The following AQR variants were observed in gnomAD, a reference collection of about 807,000 sequenced individuals.
AQR encodes the protein RNA helicase aquarius.
In AQR, 61 loss-of-function variants were observed where a neutral mutation model predicts 180.5. That is an observed-to-expected ratio of 0.34 (90% CI 0.28 to 0.42). The LOEUF is 0.42. Among genes scored for constraint, AQR ranks in the 10% least tolerant of loss-of-function variants. AQR has a pLI of 1.00. For synonymous variants in AQR, 551 were observed against 588.8 expected (o/e 0.94, Z 0.93); for missense variants, 1,281 against 1,798.3 (o/e 0.71, Z 5.20).
intron 1 of AQR, among the ~76,000 whole-genome samples, chr15:34,964,759 T>TA (rs34620759): frequency 0.67 from 98,650 of 146,214 alleles, 34,241 homozygotes; most frequent in Non-Finnish European, 0.78. Context: ...TAACAAAACC[T>TA]AAAAAAAAAA....
intron 3 of AQR, among the ~76,000 whole-genome samples, chr15:34,960,457 A>C (rs993273481): frequency 2.6e-5 from 4 of 152,134 alleles, no homozygotes; most frequent in African/African-American, 9.7e-5. Context: ...TCTTACTTTC[A>C]TAACTTTTTA....
intron 34 of AQR, among the ~76,000 whole-genome samples, chr15:34,858,069 C>T (rs140014175): frequency 1.6e-3 from 246 of 152,168 alleles, no homozygotes; most frequent in African/African-American, 5.6e-3. Context: ...CTGCAACCTC[C>T]GTCTCCCAGG....
At chr15:34,944,201 A>T (rs907468578) in intron 6 of AQR, 87 bp downstream of exon 6, 8 of 1,260,732 alleles carry the variant, frequency 6.3e-6, no homozygotes, top group Non-Finnish European at 8.6e-6. Flanking sequence ...GGATGAATGG[A>T]GTTGGCTACA....
chr15:34,860,183 T>C, intron 33 of AQR, 28 bp from the exon 34 acceptor site: 1 of 1,294,790 alleles, frequency 7.7e-7, no homozygotes, highest in South Asian at 1.6e-5. Flanking sequence ...GAACGTTAAG[T>C]ATCTAGTAAA....
chr15:34,871,060 G>T, intron 30 of AQR, 138 bp from the exon 31 acceptor site: 1 of 708,318 alleles, frequency 1.4e-6, no homozygotes, highest in Non-Finnish European at 2.3e-6. Context: ...TTGGATAAGT[G>T]AGTACCTTTC....
chr15:34,890,391 T>A, intron 23 of AQR, 67 bp from the exon 24 acceptor site: 1 of 1,338,820 alleles, frequency 7.5e-7, no homozygotes, highest in East Asian at 2.3e-5. Context: ...TTAGAAAGAA[T>A]CAAAGTTGAA....
intron 10 of AQR, among the ~76,000 whole-genome samples, chr15:34,932,763 TG>T (rs775555200): frequency 9.9e-5 from 15 of 152,146 alleles, no homozygotes; most frequent in Non-Finnish European, 4.4e-5. Flanking sequence ...AAGATTAGCC[TG>T]GGCAACAGGG....
intron 1 of AQR, among the ~76,000 whole-genome samples, chr15:34,969,075 A>G (rs954171551): frequency 1.3e-5 from 2 of 152,142 alleles, no homozygotes; most frequent in East Asian, 1.9e-4. Context: ...AGATAGGTCT[A>G]TTTGGAGGTG....
intron 2 of AQR, among the ~76,000 whole-genome samples, chr15:34,963,980 A>C (rs1377304372): frequency 6.6e-6 from 1 of 152,152 alleles, no homozygotes; most frequent in Non-Finnish European, 1.5e-5. Context: ...ATTTTTGTTA[A>C]GGCTTAAAGA....
In AQR at chr15:34,948,345, A is replaced by G; in HGVS notation, c.249T>C (p.Pro83=). 1 of 1,613,336 alleles carries G rather than the reference A, an allele frequency of 6.2e-7. No individual in the cohort carries two copies. Among genetic ancestry groups the G allele is most frequent in the Non-Finnish European group, 8.5e-7 (1 of 1,179,926 alleles). Residue 83 remains proline, a synonymous_variant, in exon 5 of 35, where the codon CCT becomes CCC. Transcript: ENST00000156471. ...LENYLWMNYS[P]EVSSKAYLMS... is the part of the protein sequence containing the mutation. ...TTAAATAGGCCTTGCTAGATACCTC[A>G]GGAGAATAATTCATCCAGAGATAAT...
intron 5 of AQR, among the ~76,000 whole-genome samples, chr15:34,945,031 ACT>A (rs940420849): frequency 6.6e-6 from 1 of 151,816 alleles, no homozygotes; most frequent in African/African-American, 2.4e-5. Flanking sequence ...ACCCTTATTA[ACT>A]CTCAACTCCT....
intron 23 of AQR, among the ~76,000 whole-genome samples, chr15:34,892,290 T>A (rs567168295): frequency 2.2e-4 from 33 of 152,326 alleles, no homozygotes; most frequent in African/African-American, 7.7e-4. Flanking sequence ...GGTGTACATT[T>A]CACATGGATT....
intron 31 of AQR, chr15:34,869,590 T>C (rs1272508928): frequency 2.6e-5 from 4 of 152,186 alleles, no homozygotes; most frequent in African/African-American, 4.8e-5. Context: ...TCCTTATTAT[T>C]TGAGTAAGAT....
chr15:34,866,334 G>C (rs984082896), intron 32 of AQR, among the ~76,000 whole-genome samples: 1 of 151,976 alleles, frequency 6.6e-6, no homozygotes, highest in Non-Finnish European at 1.5e-5. Flanking sequence ...GAGTTTCAAA[G>C]GAAAATTTTG....
At chr15:34,908,972 T>C (rs1369382286) in intron 17 of AQR, among the ~76,000 whole-genome samples, 4 of 151,970 alleles carry the variant, frequency 2.6e-5, no homozygotes, top group African/African-American at 9.7e-5. Context: ...ATAATAAAGG[T>C]GCACATTAGT....
At chr15:34,941,157 G>A (rs577827654) in intron 7 of AQR, among the ~76,000 whole-genome samples, 158 bp from the exon 8 acceptor site, 2 of 152,154 alleles carry the variant, frequency 1.3e-5, no homozygotes, top group Admixed American at 1.3e-4. Context: ...ATTAAGAAAT[G>A]AATAACGATA....
At chr15:34,914,928 G>T in intron 16 of AQR, 110 bp downstream of exon 16, 4 of 1,135,522 alleles carry the variant, frequency 3.5e-6, no homozygotes, top group Non-Finnish European at 4.8e-6. Context: ...TATTTTAGAG[G>T]GCACTTTTGT....
chr15:34,856,929 C>T lies in AQR; in HGVS notation c.4321G>A (p.Glu1441Lys), dbSNP rs200002408. The T allele has an allele frequency of 1.5e-4, 236 of 1,614,048 alleles. 1 individual carries two copies. The South Asian group carries it at 2.4e-3, about 16-fold the overall frequency. ...TCTGGAGTGGAAGTGGCTCCTGTCTCACTGGGGGTGGTGTCAGTTTGAAAG... is the reference window on the plus strand; with the variant it reads ...TCTGGAGTGGAAGTGGCTCCTGTCTTACTGGGGGTGGTGTCAGTTTGAAAG... ...PAFQTDTTPS[E>K]TGATSTPEAI... is the part of the protein sequence containing the mutation. The change falls in exon 35 of 35, where the codon GAG becomes AAG. Residue 1441 changes from glutamate to lysine, a missense_variant. Glu to Lys is a moderately conservative substitution (Grantham distance 56, BLOSUM62 1). Transcript: ENST00000156471.
chr15:34,862,697 C>T (rs956049830), intron 33 of AQR, among the ~76,000 whole-genome samples, 170 bp downstream of exon 33: 5 of 152,072 alleles, frequency 3.3e-5, no homozygotes, highest in Non-Finnish European at 5.9e-5. Context: ...TGCGCCCTAC[C>T]GATATCATTT....
Sources: allele counts gnomAD v4.1 joint callset (sites outside exome capture counted in the v4.1 genomes callset), GRCh38; gene constraint gnomAD v4.1.1; transcripts MANE v1.5; gene names NCBI Gene and HGNC (gene_info 2026-07-23, HGNC 2026-07-21).